HIP1: variants seen among roughly 807,000 people sequenced by gnomAD.
HIP1 encodes the protein huntingtin-interacting protein 1.
In HIP1, 65 loss-of-function variants were observed where a neutral mutation model predicts 147.6. That is an observed-to-expected ratio of 0.44 (90% CI 0.36 to 0.54). HIP1 has a LOEUF of 0.54. Ranked by LOEUF, HIP1 falls within the 20% of genes least tolerant of loss-of-function variation. The pLI, the probability that HIP1 is intolerant of heterozygous loss-of-function variation, is 0.00. For synonymous variants in HIP1, 479 were observed against 504.0 expected (o/e 0.95, Z 0.67); for missense variants, 1,061 against 1,299.6 (o/e 0.82, Z 2.82).
intron 1 of HIP1, 58 bp downstream of exon 1, chr7:75,738,743 C>A (rs1802108194): frequency 1.3e-6 from 2 of 1,567,228 alleles, no homozygotes; most frequent in Non-Finnish European, 1.7e-6. Flanking sequence ...CAAAGCCCCT[C>A]CCGGACACCG....
intron 1 of HIP1, among the ~76,000 whole-genome samples, chr7:75,680,211 T>C (rs1800018914): frequency 6.6e-6 from 1 of 152,090 alleles, no homozygotes; most frequent in South Asian, 2.1e-4. Context: ...CCCAGCTAAT[T>C]TTTTACGTTT....
In HIP1 at chr7:75,557,688, G is replaced by A. The variant is rs1795069628; in HGVS notation, c.1547C>T (p.Ser516Leu). The A allele has an allele frequency of 1.9e-6, 3 of 1,614,002 alleles. No individual in the cohort carries two copies. Among genetic ancestry groups the A allele is most frequent in the South Asian group, 2.2e-5 (2 of 91,078 alleles). ...GCCCTGGTCACTGATGCGCTCCAACGAATCCTCCAGCTCTTTTTTCTCTCG... is the reference window on the plus strand; with the variant it reads ...GCCCTGGTCACTGATGCGCTCCAACAAATCCTCCAGCTCTTTTTTCTCTCG... ...LEREKKELED[S>L]LERISDQGQR... is the part of the protein sequence containing the mutation. The change falls in exon 16 of 31, where the codon TCG becomes TTG. Residue 516 changes from serine (S) to leucine (L), a missense_variant. Ser to Leu is a moderately radical substitution (Grantham distance 145). Transcript: ENST00000336926.
intron 9 of HIP1, among the ~76,000 whole-genome samples, chr7:75,566,802 G>A (rs1554495571): frequency 6.6e-6 from 1 of 151,274 alleles, no homozygotes; most frequent in African/African-American, 2.5e-5. Context: ...CTAAATGGAT[G>A]ATGGCAGTAT....
intron 1 of HIP1, among the ~76,000 whole-genome samples, chr7:75,679,303 C>T (rs1799988422): frequency 6.6e-6 from 1 of 152,196 alleles, no homozygotes; most frequent in Non-Finnish European, 1.5e-5. Context: ...CTCCTGGCTC[C>T]AGTGATCCTT....
In HIP1 at chr7:75,535,646, C is replaced by T. The variant is rs1336138216; in HGVS notation, c.*2526G>A. ...AAGTTCTGGGATTACAGGCATGCGC[C>T]ACTGTGCCCGGCTGGGCAGAGAATC... On this transcript the variant is annotated 3_prime_UTR_variant, in exon 31 of 31. Transcript: ENST00000336926. The T allele has an allele frequency of 5.5e-6, 1 of 182,800 alleles. No individual in the cohort carries two copies. Among genetic ancestry groups the T allele is most frequent in the Admixed American group, 6.3e-5 (1 of 15,956 alleles). 11.3% of individuals were successfully genotyped at this position (182,800 alleles called of 1,614,324 possible).
intron 4 of HIP1, among the ~76,000 whole-genome samples, chr7:75,587,463 ACTTT>A (rs782597400): frequency 6.6e-6 from 1 of 152,198 alleles, no homozygotes; most frequent in Non-Finnish European, 1.5e-5. Context: ...AACTTCTTAA[ACTTT>A]CTTTCATTAT....
chr7:75,696,153 A>G (rs1800626906), intron 1 of HIP1, among the ~76,000 whole-genome samples: 1 of 149,380 alleles, frequency 6.7e-6, no homozygotes, highest in African/African-American at 2.5e-5. Context: ...ATGCCCGGCT[A>G]ATGTTTGCAT....
rs183226635 is a variant in HIP1 at position 75,655,046 on chromosome 7, A to G, written c.121-55799T>C. ...TGACCCAGCAATGCCACTCCTGGGC[A>G]TCTGCCCAAAAGAACTGAAAGCAGG... On this transcript the variant is annotated intron_variant, in intron 1 of 30. Coordinates refer to ENST00000336926, the MANE Select transcript of HIP1 (RefSeq NM_005338.7). Among the ~76,000 whole-genome samples, 941 of 152,332 alleles carry G rather than the reference A, an allele frequency of 6.2e-3. 11 individuals carry two copies. Among genetic ancestry groups the G allele is most frequent in the Non-Finnish European group, 6.1e-3 (417 of 68,030 alleles).
At chr7:75,737,682 C>T (rs1266316458) in intron 1 of HIP1, among the ~76,000 whole-genome samples, 1 of 152,122 alleles carries the variant, frequency 6.6e-6, no homozygotes, top group East Asian at 1.9e-4. Context: ...ATATACAGAA[C>T]CTTCAGTCAG....
At chr7:75,696,339 T>A (rs1249480120) in intron 1 of HIP1, among the ~76,000 whole-genome samples, 3 of 152,126 alleles carry the variant, frequency 2.0e-5, no homozygotes, top group Admixed American at 6.6e-5. Context: ...TATTTGATAA[T>A]GATCCCTCTC....
chr7:75,664,826 G>A (rs942553944), intron 1 of HIP1, among the ~76,000 whole-genome samples: 10 of 152,070 alleles, frequency 6.6e-5, no homozygotes, highest in African/African-American at 2.4e-4. Context: ...TCACCATATT[G>A]GCCAGGCTGG....
chr7:75,542,785 A>T lies in HIP1; in HGVS notation c.2890+66T>A, dbSNP rs1420441928. On this transcript the variant is annotated intron_variant, in intron 28 of 30. Coordinates refer to ENST00000336926, the MANE Select transcript of HIP1 (RefSeq NM_005338.7). Reference sequence around the variant, plus strand: ...AGTCCTGTGGGATTTGGTTGGGATCACAGGGAAGGATGCAGAGAAGAGCTC... The same window carrying T: ...AGTCCTGTGGGATTTGGTTGGGATCTCAGGGAAGGATGCAGAGAAGAGCTC... 3 of 1,513,392 alleles carry T rather than the reference A, an allele frequency of 2.0e-6. No homozygotes were observed. In the East Asian group the frequency reaches 6.8e-5, roughly 34 times the overall value. 93.7% of individuals were successfully genotyped at this position (1,513,392 alleles called of 1,614,324 possible).
intron 9 of HIP1, 112 bp from the exon 10 acceptor site, chr7:75,563,375 G>A: frequency 1.2e-6 from 1 of 825,720 alleles, no homozygotes; most frequent in Non-Finnish European, 2.0e-6. Context: ...GGCACAGGCT[G>A]TCAAGGAGAT....
At chr7:75,632,461 A>G (rs1554509079) in intron 1 of HIP1, among the ~76,000 whole-genome samples, 1 of 152,056 alleles carries the variant, frequency 6.6e-6, no homozygotes, top group Non-Finnish European at 1.5e-5. Context: ...GCTGGAGTGC[A>G]GTGGTGTTAT....
intron 1 of HIP1, among the ~76,000 whole-genome samples, chr7:75,678,845 G>C (rs972562014): frequency 2.0e-5 from 3 of 152,166 alleles, no homozygotes; most frequent in Admixed American, 6.6e-5. Context: ...AAAATTTTAA[G>C]TTCCTTCAAC....
At chr7:75,591,034 ATTT>A (rs34986049) in intron 4 of HIP1, among the ~76,000 whole-genome samples, 1 of 142,412 alleles carries the variant, frequency 7.0e-6, no homozygotes, top group African/African-American at 2.6e-5. Context: ...AACCAGGGAG[ATTT>A]TTTTTTTTTT....
intron 1 of HIP1, among the ~76,000 whole-genome samples, chr7:75,732,546 T>G (rs1206044875): frequency 6.6e-6 from 1 of 151,984 alleles, no homozygotes; most frequent in African/African-American, 2.4e-5. Flanking sequence ...ATTATTTGAT[T>G]TGATTTGATT....
chr7:75,605,421 T>C (rs1233069840), intron 1 of HIP1, among the ~76,000 whole-genome samples: 4 of 152,120 alleles, frequency 2.6e-5, no homozygotes, highest in Non-Finnish European at 5.9e-5. Flanking sequence ...AGTGGGCTTC[T>C]GAGTGGCAAG....
chr7:75,620,814 C>T (rs1009914511), intron 1 of HIP1, among the ~76,000 whole-genome samples: 9 of 151,958 alleles, frequency 5.9e-5, no homozygotes, highest in Middle Eastern at 3.4e-3. Context: ...AATCGGATGG[C>T]GAGAGGTGCT....
Sources: allele counts gnomAD v4.1 joint callset (sites outside exome capture counted in the v4.1 genomes callset), GRCh38; gene constraint gnomAD v4.1.1; transcripts MANE v1.5; gene names NCBI Gene and HGNC (gene_info 2026-07-23, HGNC 2026-07-21).